PIK3C3: variants seen among roughly 807,000 people sequenced by gnomAD.
The protein encoded by PIK3C3 is phosphatidylinositol 3-kinase catalytic subunit type 3.
Under a neutral mutation model 126.1 loss-of-function variants are expected in PIK3C3, and 95 were observed. That is an observed-to-expected ratio of 0.75 (90% CI 0.64 to 0.89). The LOEUF is 0.89. Among genes scored for constraint, PIK3C3 ranks in the 40% least tolerant of loss-of-function variants. The pLI, the probability that PIK3C3 is intolerant of heterozygous loss-of-function variation, is 0.00. For missense variants in PIK3C3, 829 were observed against 1,063.2 expected, an observed-to-expected ratio of 0.78 and a Z score of 3.06; for synonymous variants, 374 against 360.0, an observed-to-expected ratio of 1.04 and a Z score of -0.44.
intron 10 of PIK3C3, among the ~76,000 whole-genome samples, 175 bp downstream of exon 10, chr18:42,004,716 T>C (rs933199884): frequency 1.4e-4 from 21 of 152,186 alleles, no homozygotes; most frequent in African/African-American, 4.3e-4. Flanking sequence ...AATTAAAATA[T>C]GCCTCAGAGG....
chr18:42,071,261 A>G (rs973850493), intron 24 of PIK3C3, among the ~76,000 whole-genome samples: 1 of 152,230 alleles, frequency 6.6e-6, no homozygotes, highest in African/African-American at 2.4e-5. Flanking sequence ...TTAGCTCTCC[A>G]GTTTACAGTG....
intron 13 of PIK3C3, among the ~76,000 whole-genome samples, chr18:42,024,003 G>A (rs913129393): frequency 2.6e-5 from 4 of 152,182 alleles, no homozygotes; most frequent in African/African-American, 9.6e-5. Context: ...TCTCCAGTTT[G>A]TAAAATGATG....
At chr18:42,024,804 T>G (rs1388143757) in intron 13 of PIK3C3, among the ~76,000 whole-genome samples, 7 of 149,254 alleles carry the variant, frequency 4.7e-5, no homozygotes, top group Non-Finnish European at 9.0e-5. Context: ...TTTTTTTTCT[T>G]TTTTTTTTCT....
At chr18:41,988,889 T>C (rs1229983288) in intron 5 of PIK3C3, among the ~76,000 whole-genome samples, 2 of 152,122 alleles carry the variant, frequency 1.3e-5, no homozygotes, top group African/African-American at 4.8e-5. Context: ...ATTTTTCTCT[T>C]CTTAAACTTA....
chr18:42,043,924 C>G (rs1422687444), intron 20 of PIK3C3, 107 bp downstream of exon 20: 2 of 680,090 alleles, frequency 2.9e-6, no homozygotes, highest in East Asian at 5.4e-5. Context: ...TTTAAATGCT[C>G]TATAGGAAGA....
chr18:42,028,837 C>A (rs2144439547), intron 14 of PIK3C3, among the ~76,000 whole-genome samples: 1 of 152,286 alleles, frequency 6.6e-6, no homozygotes, highest in South Asian at 2.1e-4. Flanking sequence ...GACCGTATAG[C>A]ATTTAGTTTT....
intron 4 of PIK3C3, among the ~76,000 whole-genome samples, chr18:41,974,521 G>T (rs1328616146): frequency 1.3e-5 from 2 of 152,048 alleles, no homozygotes; most frequent in East Asian, 1.9e-4. Context: ...GGGAATGAAA[G>T]AAATGAATAA....
In PIK3C3 at chr18:42,021,691, A is replaced by G. The variant is rs74924153; in HGVS notation, c.1484+986A>G. The stretch of plus-strand genomic sequence containing the variant: ...ACAAATTACAAATTAGTAGATGTCC[A>G]TTGTAAAAGCTCACTACAGGTTGAG... On this transcript the variant is annotated intron_variant, in intron 13 of 24. Transcript: ENST00000262039. Among the ~76,000 whole-genome samples the G allele has an allele frequency of 2.0e-4, 31 of 152,346 alleles. No individual in the cohort carries two copies. The East Asian group carries it at 6.0e-3, about 29-fold the overall frequency.
chr18:42,000,021 C>T (rs1395136628), intron 9 of PIK3C3, among the ~76,000 whole-genome samples: 1 of 152,108 alleles, frequency 6.6e-6, no homozygotes, highest in Non-Finnish European at 1.5e-5. Context: ...ACGACTAAAG[C>T]AGGAAAATGT....
chr18:42,076,124 G>GATATATATATA (rs1985987470), intron 24 of PIK3C3, among the ~76,000 whole-genome samples: 1 of 67,210 alleles, frequency 1.5e-5, no homozygotes, highest in African/African-American at 6.4e-5. Context: ...ATATATATGC[G>GATATATATATA]CATATATATA....
At chr18:42,017,798 T>C (rs527480883) in intron 12 of PIK3C3, among the ~76,000 whole-genome samples, 1 of 152,152 alleles carries the variant, frequency 6.6e-6, no homozygotes, top group Non-Finnish European at 1.5e-5. Flanking sequence ...AATTTTTTTG[T>C]AGCCTTATAT....
Position 42,013,557 on chromosome 18 carries a change from A to G in PIK3C3, c.1286A>G (p.Asn429Ser). The G allele has an allele frequency of 6.2e-7, 1 of 1,604,756 alleles. No individual in the cohort carries two copies. Among genetic ancestry groups the G allele is most frequent in the Non-Finnish European group, 8.5e-7 (1 of 1,174,574 alleles). Residue 429 changes from asparagine to serine, a missense_variant, in exon 11 of 25, where the codon AAT becomes AGT. This residue lies in a region of PIK3C3 where 256 missense variants were observed against 291.0 expected (regional missense o/e 0.88). Transcript: ENST00000262039. ...GATAGTCAGAGTTCAGTGTCAGAAA[A>G]TGTGTCAAATTCTGGAATAAATTCT... ...KKDSQSSVSE[N>S]VSNSGINSAE...
chr18:42,013,741 C>G lies in PIK3C3; in HGVS notation c.1325+145C>G. ...CTAGTGAATATTGCATGTGTACTCACAGCACACAGATTACTATATTAGGGA... is the reference window on the plus strand; with the variant it reads ...CTAGTGAATATTGCATGTGTACTCAGAGCACACAGATTACTATATTAGGGA... On this transcript the variant is annotated intron_variant, in intron 11 of 24. Transcript: ENST00000262039. 5 of 627,852 alleles carry G rather than the reference C, an allele frequency of 8.0e-6. No individual in the cohort carries two copies. The South Asian group carries it at 1.0e-4, about 13-fold the overall frequency. 38.9% of individuals were successfully genotyped at this position (627,852 alleles called of 1,614,324 possible). A position where few individuals can be genotyped will look rare whatever the true frequency, so the allele number is the denominator to read the frequency against.
chr18:42,055,755 T>G (rs1438867916), intron 21 of PIK3C3, among the ~76,000 whole-genome samples: 1 of 151,950 alleles, frequency 6.6e-6, no homozygotes, highest in Non-Finnish European at 1.5e-5. Context: ...AAAAACAGAA[T>G]GAATACAGTT....
chr18:41,997,315 C>T (rs145769626), intron 9 of PIK3C3, among the ~76,000 whole-genome samples: 106 of 152,058 alleles, frequency 7.0e-4, no homozygotes, highest in East Asian at 2.3e-3. Context: ...TACAGGATAA[C>T]GGGTAGGTCA....
chr18:42,071,578 G>T (rs1003430454), intron 24 of PIK3C3, among the ~76,000 whole-genome samples: 8 of 152,004 alleles, frequency 5.3e-5, no homozygotes, highest in Non-Finnish European at 8.8e-5. Context: ...AAATTAGCCA[G>T]ACGTGGTGGC....
rs552828332 is a variant in PIK3C3, at chr18:42,027,870, A to G, written c.1590+322A>G. Among the ~76,000 whole-genome samples, 33 of 152,068 alleles carry G rather than the reference A, an allele frequency of 2.2e-4. No individual in the cohort carries two copies. The East Asian group carries it at 4.3e-3, about 20-fold the overall frequency. The stretch of plus-strand genomic sequence containing the variant: ...GGGTTTTGCCATGTTGGGCCAGGCT[A>G]TTCTGGAACTCCTGACCTCAGGTGA... On this transcript the variant is annotated intron_variant, in intron 14 of 24. Transcript: ENST00000262039.
At chr18:41,974,557 C>CA (rs1222179152) in intron 4 of PIK3C3, among the ~76,000 whole-genome samples, 1 of 151,060 alleles carries the variant, frequency 6.6e-6, no homozygotes, top group African/African-American at 2.4e-5. Flanking sequence ...ACCCCCCCAC[C>CA]CCCTGCCCCA....
intron 22 of PIK3C3, among the ~76,000 whole-genome samples, chr18:42,063,644 CTT>C (rs2144514982): frequency 6.6e-6 from 1 of 152,042 alleles, no homozygotes; most frequent in South Asian, 2.1e-4. Flanking sequence ...TAATTTGAAA[CTT>C]ATATGGATAG....
Sources: gnomAD v4.1 joint callset for allele counts (sites outside exome capture counted in the v4.1 genomes callset) on GRCh38, gnomAD v4.1.1 for gene constraint, gnomAD v4.1.1 regional missense constraint, MANE v1.5 for transcripts, NCBI Gene and HGNC (gene_info 2026-07-23, HGNC 2026-07-21) for gene names.